The following MAPKAPK3 variants were observed in gnomAD, a reference collection of about 807,000 sequenced individuals.
The protein encoded by MAPKAPK3 is MAPK activated protein kinase 3, also known as MAP kinase-activated protein kinase 3.
A neutral mutation model predicts 49.2 loss-of-function variants in MAPKAPK3; 35 were observed. The ratio of observed to expected loss-of-function variants is 0.71; its 90% CI spans 0.54 to 0.94. The LOEUF (loss-of-function observed/expected upper bound fraction) is 0.94, where lower values mean the gene tolerates loss of function less well. Ranked by LOEUF, MAPKAPK3 falls within the 40% of genes least tolerant of loss-of-function variation. The pLI, the probability that MAPKAPK3 is intolerant of heterozygous loss-of-function variation, is 0.00. For missense variants in MAPKAPK3, 398 were observed against 493.1 expected (o/e 0.81, Z 1.83); for synonymous variants, 178 against 188.7 (o/e 0.94, Z 0.46).
chr3:50,615,477 G>T (rs2032445073), upstream of MAPKAPK3, among the ~76,000 whole-genome samples: 1 of 128,392 alleles, frequency 7.8e-6, no homozygotes, highest in African/African-American at 2.6e-5. Flanking sequence ...AGCCAGAAAG[G>T]ACTAGGAGAG....
intron 2 of MAPKAPK3, among the ~76,000 whole-genome samples, chr3:50,624,102 C>T (rs768285487): frequency 6.6e-6 from 1 of 152,204 alleles, no homozygotes; most frequent in African/African-American, 2.4e-5. Context: ...CAGAGCACCA[C>T]GGGCAGGAAA....
chr3:50,633,649 GC>G (rs2032967929), intron 2 of MAPKAPK3, among the ~76,000 whole-genome samples: 2 of 152,136 alleles, frequency 1.3e-5, no homozygotes, highest in Admixed American at 1.3e-4. Context: ...TCCTCCTCCA[GC>G]CTTGCCATCC....
At chr3:50,646,650 C>A in intron 8 of MAPKAPK3, 90 bp from the exon 9 acceptor site, 2 of 1,184,198 alleles carry the variant, frequency 1.7e-6, no homozygotes, top group East Asian at 2.4e-5. Context: ...CATGCAGCCC[C>A]TGCCCCAGCA....
upstream of MAPKAPK3, among the ~76,000 whole-genome samples, chr3:50,615,541 G>T (rs2032446786): frequency 6.6e-6 from 1 of 152,214 alleles, no homozygotes; most frequent in Admixed American, 6.5e-5. Context: ...TTTGGAGTTG[G>T]AATGGGGGCT....
At chr3:50,635,541 C>A (rs1576007829) in intron 2 of MAPKAPK3, among the ~76,000 whole-genome samples, 1 of 146,422 alleles carries the variant, frequency 6.8e-6, no homozygotes, top group East Asian at 2.1e-4. Context: ...CCTCAGCCTC[C>A]TGAGTAGCTG....
chr3:50,634,530 C>T (rs1414265011), intron 2 of MAPKAPK3, among the ~76,000 whole-genome samples: 1 of 151,742 alleles, frequency 6.6e-6, no homozygotes, highest in Non-Finnish European at 1.5e-5. Flanking sequence ...ATTTTCTTGC[C>T]CAGGCTGGAG....
chr3:50,624,611 G>T (rs189852889), intron 2 of MAPKAPK3, among the ~76,000 whole-genome samples: 17 of 152,258 alleles, frequency 1.1e-4, no homozygotes, highest in Admixed American at 1.1e-3. Flanking sequence ...TACAACAGAG[G>T]TCTGTTGTAT....
intron 5 of MAPKAPK3, among the ~76,000 whole-genome samples, chr3:50,643,158 C>T (rs565182802): frequency 4.6e-5 from 7 of 152,310 alleles, no homozygotes; most frequent in African/African-American, 7.2e-5. Context: ...GGCCCTGTTG[C>T]GGCTTTTGTG....
chr3:50,611,672 C>G (rs1241130555), upstream of MAPKAPK3: 3 of 1,482,260 alleles, frequency 2.0e-6, no homozygotes, highest in Non-Finnish European at 1.8e-6. Context: ...AGCGGCGACT[C>G]CGGAGTGGGG....
upstream of MAPKAPK3, among the ~76,000 whole-genome samples, chr3:50,613,110 G>A (rs1379954773): frequency 2.0e-5 from 3 of 151,976 alleles, no homozygotes; most frequent in Non-Finnish European, 1.5e-5. Context: ...TGGAGAGGTT[G>A]CAGGGTCCAC....
chr3:50,611,566 C>T, upstream of MAPKAPK3: 2 of 1,524,632 alleles, frequency 1.3e-6, no homozygotes, highest in South Asian at 1.2e-5. Context: ...GCAGCTAGCA[C>T]GAAGCCCCTG....
intron 4 of MAPKAPK3, 143 bp downstream of exon 4, chr3:50,641,914 CA>C (rs2033185002): frequency 3.8e-6 from 3 of 790,140 alleles, no homozygotes; most frequent in Middle Eastern, 2.3e-4. Context: ...TCCATCCCCA[CA>C]AGGGACTCTC....
intron 2 of MAPKAPK3, among the ~76,000 whole-genome samples, chr3:50,639,046 G>A (rs1331369879): frequency 6.6e-6 from 1 of 152,208 alleles, no homozygotes; most frequent in East Asian, 1.9e-4. Context: ...TCCCCCTACA[G>A]CAGGGCCACT....
chr3:50,632,788 G>A (rs2032944424), intron 2 of MAPKAPK3, among the ~76,000 whole-genome samples: 4 of 152,212 alleles, frequency 2.6e-5, no homozygotes, highest in Non-Finnish European at 1.5e-5. Context: ...AAGAGGTGTT[G>A]GGGAAACTGC....
chr3:50,637,650 A>C (rs1377745813), intron 2 of MAPKAPK3, among the ~76,000 whole-genome samples: 8 of 150,954 alleles, frequency 5.3e-5, no homozygotes, highest in Admixed American at 6.6e-5. Context: ...AAAAAAGAAA[A>C]GAAAAAGAAA....
rs754657779 is a variant in MAPKAPK3, at chr3:50,646,266, T to A, written c.829+2T>A. 3 of 1,614,082 alleles carry A rather than the reference T, an allele frequency of 1.9e-6. No homozygotes were observed. Among genetic ancestry groups the A allele is most frequent in the Non-Finnish European group, 2.5e-6 (3 of 1,179,994 alleles). On this transcript the variant is annotated splice_donor_variant, in intron 8 of 10. Transcript: ENST00000621469. LOFTEE classifies it high-confidence loss of function. ...AGTGGTCAGAAGTCTCTGAGGATGGTGAGTGAACCTCTCTGTCCCAGCCTG... is the reference window on the plus strand; with the variant it reads ...AGTGGTCAGAAGTCTCTGAGGATGGAGAGTGAACCTCTCTGTCCCAGCCTG...
intron 2 of MAPKAPK3, among the ~76,000 whole-genome samples, chr3:50,630,077 G>A (rs1185198868): frequency 6.6e-6 from 1 of 152,222 alleles, no homozygotes; most frequent in Non-Finnish European, 1.5e-5. Context: ...GAAGGGGAGT[G>A]GTTGTTTAGG....
intron 2 of MAPKAPK3, among the ~76,000 whole-genome samples, chr3:50,638,720 C>T (rs953089366): frequency 1.3e-5 from 2 of 152,222 alleles, no homozygotes; most frequent in African/African-American, 2.4e-5. Context: ...GGGACACTGC[C>T]CTGACCCAGT....
At chr3:50,629,513 G>A (rs1289894389) in intron 2 of MAPKAPK3, among the ~76,000 whole-genome samples, 5 of 152,160 alleles carry the variant, frequency 3.3e-5, no homozygotes, top group Non-Finnish European at 7.3e-5. Flanking sequence ...GGCTCCCTGG[G>A]AACAGGAGTA....
Sources: gnomAD v4.1 joint callset for allele counts (sites outside exome capture counted in the v4.1 genomes callset) on GRCh38, gnomAD v4.1.1 for gene constraint, MANE v1.5 for transcripts, NCBI Gene and HGNC (gene_info 2026-07-23, HGNC 2026-07-21) for gene names.